The following GRXCR2 variants were observed in gnomAD, a reference collection of about 807,000 sequenced individuals.
GRXCR2 encodes the protein glutaredoxin and cysteine rich domain containing 2.
GRXCR2 carries 23 observed loss-of-function variants against 24.8 expected under a neutral mutation model. The ratio of observed to expected loss-of-function variants is 0.93; its 90% confidence interval spans 0.67 to 1.32. GRXCR2 has a LOEUF of 1.32. Ranked by LOEUF, GRXCR2 falls within the 40% of genes most tolerant of loss-of-function variation. GRXCR2 has a pLI of 0.00. For missense variants in GRXCR2, 315 were observed against 303.4 expected (o/e 1.04, Z -0.28); for synonymous variants, 130 against 116.1 (o/e 1.12, Z -0.77).
chr5:145,931,409 A>G (rs1261406574), intron 2 of GRXCR2, among the ~76,000 whole-genome samples: 1 of 152,204 alleles, frequency 6.6e-6, no homozygotes, highest in Non-Finnish European at 1.5e-5. Flanking sequence ...CAGAAAATGT[A>G]TAATGCCTCT....
chr5:145,911,307 A>T, intron 2 of GRXCR2, among the ~76,000 whole-genome samples: 1 of 152,170 alleles, frequency 6.6e-6, no homozygotes, highest in Admixed American at 6.5e-5. Flanking sequence ...TCGGAGAAAG[A>T]GGTCAGGTGT....
intron 2 of GRXCR2, among the ~76,000 whole-genome samples, chr5:145,928,228 G>C (rs1001027854): frequency 1.3e-5 from 2 of 151,974 alleles, no homozygotes; most frequent in Non-Finnish European, 2.9e-5. Flanking sequence ...AGTTAGAATG[G>C]CAATCATTAA....
At position 145,866,616 on chromosome 5, in the gene GRXCR2, T is replaced by G. The variant is rs761197305; in HGVS notation, c.449A>C (p.Glu150Ala). The change falls in exon 2 of 3, where the codon GAG (glutamate) becomes GCG (alanine). Residue 150 changes from glutamate (E) to alanine (A), a missense_variant. Glu to Ala is a moderately radical substitution (Grantham distance 107, BLOSUM62 -1). Transcript: ENST00000377976. ...CATCAGAGACTCTTCCTCAGCCTCCTCTTCCTTCTGGAGAATTTTCCTCAC... is the reference window on the plus strand; with the variant it reads ...CATCAGAGACTCTTCCTCAGCCTCCGCTTCCTTCTGGAGAATTTTCCTCAC... ...DFVRKILQKEEEAEEESLMNK... is the reference protein window; with the variant it reads ...DFVRKILQKEAEAEEESLMNK... The G allele has an allele frequency of 1.1e-5, 18 of 1,613,944 alleles. No homozygotes were observed. Among genetic ancestry groups the G allele is most frequent in the Non-Finnish European group, 1.4e-5 (17 of 1,179,908 alleles).
chr5:145,881,957 G>A (rs1298070890), intron 2 of GRXCR2, among the ~76,000 whole-genome samples: 1 of 152,162 alleles, frequency 6.6e-6, no homozygotes, highest in Non-Finnish European at 1.5e-5. Context: ...TGAGGAAACT[G>A]GCTAGCCATA....
chr5:145,910,569 T>C (rs978273268), intron 2 of GRXCR2, among the ~76,000 whole-genome samples: 3 of 152,192 alleles, frequency 2.0e-5, no homozygotes, highest in Non-Finnish European at 2.9e-5. Context: ...TACTTCTACT[T>C]TGTATATACT....
chr5:145,887,358 A>T (rs976101147), intron 2 of GRXCR2, among the ~76,000 whole-genome samples: 94 of 152,370 alleles, frequency 6.2e-4, no homozygotes, highest in African/African-American at 2.3e-3. Context: ...TTTCAAGGCC[A>T]GTAGTCGCTT....
At chr5:145,916,522 G>T (rs2149927209) in intron 2 of GRXCR2, among the ~76,000 whole-genome samples, 1 of 152,304 alleles carries the variant, frequency 6.6e-6, no homozygotes. Flanking sequence ...TTGAAGGAAG[G>T]CATTGGGAAG....
At chr5:145,872,290 T>G (rs1476469140) in intron 1 of GRXCR2, among the ~76,000 whole-genome samples, 2 of 152,186 alleles carry the variant, frequency 1.3e-5, no homozygotes, top group Non-Finnish European at 2.9e-5. Flanking sequence ...ACAAAATGAC[T>G]GCATAATTGT....
intron 1 of GRXCR2, among the ~76,000 whole-genome samples, chr5:145,867,576 T>C (rs1756458393): frequency 6.6e-6 from 1 of 152,228 alleles, no homozygotes; most frequent in Non-Finnish European, 1.5e-5. Context: ...GGAATAAACC[T>C]GGACAATATC....
chr5:145,914,821 T>G (rs1309233391), intron 2 of GRXCR2, among the ~76,000 whole-genome samples: 1 of 152,090 alleles, frequency 6.6e-6, no homozygotes, highest in Non-Finnish European at 1.5e-5. Flanking sequence ...GTGCTGGGGT[T>G]GTGGAATTAT....
Position 145,872,638 on chromosome 5 carries a change from G to T in GRXCR2, c.331C>A (p.His111Asn). 6.3e-7 allele frequency: 1 copy of T among 1,596,678 alleles called. No individual in the cohort carries two copies. Among genetic ancestry groups the T allele is most frequent in the South Asian group, 1.1e-5 (1 of 88,904 alleles). The change falls in exon 1 of 3, where the codon CAT becomes AAT. Residue 111 changes from histidine to asparagine, a missense_variant. Transcript: ENST00000377976. ...PRFNDYKAND[H>N]KPLPIIDFGK... Reference sequence around the variant, plus strand: ...ATGCCATGCACAATACCAACCTTATGGTCATTCGCCTTGTAATCGTTGAAC... The same window carrying T: ...ATGCCATGCACAATACCAACCTTATTGTCATTCGCCTTGTAATCGTTGAAC...
At chr5:145,905,184 ATAGAGT>A (rs1469086394) in intron 2 of GRXCR2, among the ~76,000 whole-genome samples, 1 of 152,212 alleles carries the variant, frequency 6.6e-6, no homozygotes, top group African/African-American at 2.4e-5. Context: ...CTTGACTGAT[ATAGAGT>A]CAATATTGGA....
chr5:145,925,183 AG>A (rs142250810), intron 2 of GRXCR2, among the ~76,000 whole-genome samples: 1 of 152,222 alleles, frequency 6.6e-6, no homozygotes, highest in African/African-American at 2.4e-5. Flanking sequence ...AATTTGCTGT[AG>A]GTCACACTCT....
intron 2 of GRXCR2, among the ~76,000 whole-genome samples, chr5:145,914,491 C>T (rs1458851781): frequency 6.6e-6 from 1 of 151,806 alleles, no homozygotes; most frequent in Non-Finnish European, 1.5e-5. Context: ...GCCTGACCAA[C>T]ATGGTGAAAC....
chr5:145,929,199 CT>C (rs1450563701), intron 2 of GRXCR2, among the ~76,000 whole-genome samples: 3 of 116,508 alleles, frequency 2.6e-5, no homozygotes, highest in African/African-American at 6.3e-5. Context: ...ATATTCCCCC[CT>C]ATATATATAT....
intron 2 of GRXCR2, among the ~76,000 whole-genome samples, chr5:145,904,557 T>G (rs1757065469): frequency 6.6e-6 from 1 of 152,144 alleles, no homozygotes; most frequent in Non-Finnish European, 1.5e-5. Context: ...CACACACAAA[T>G]CCTCATACCC....
At chr5:145,872,330 C>T (rs965863817) in intron 1 of GRXCR2, among the ~76,000 whole-genome samples, 9 of 152,160 alleles carry the variant, frequency 5.9e-5, no homozygotes, top group Non-Finnish European at 1.3e-4. Flanking sequence ...ACCTGAAAAC[C>T]ACTGCACCTC....
intron 2 of GRXCR2, among the ~76,000 whole-genome samples, chr5:145,904,120 G>T (rs984213792): frequency 4.6e-5 from 7 of 152,272 alleles, no homozygotes; most frequent in African/African-American, 1.7e-4. Context: ...TGTGAATGTG[G>T]ATCTCTGCCC....
intron 2 of GRXCR2, among the ~76,000 whole-genome samples, chr5:145,903,470 G>A (rs1388702799): frequency 6.6e-6 from 1 of 151,656 alleles, no homozygotes; most frequent in Non-Finnish European, 1.5e-5. Flanking sequence ...CTTCATCAGA[G>A]CTGCCACTGA....
Sources: gnomAD v4.1 joint callset for allele counts (sites outside exome capture counted in the v4.1 genomes callset) on GRCh38, gnomAD v4.1.1 for gene constraint, MANE v1.5 for transcripts, NCBI Gene and HGNC (gene_info 2026-07-23, HGNC 2026-07-21) for gene names.